Variants in DLGAP1 observed in about 807,000 individuals in gnomAD.
The protein encoded by DLGAP1 is DLG associated protein 1.
DLGAP1 carries 11 observed loss-of-function variants against 90.8 expected under a neutral mutation model. The observed-to-expected ratio is 0.12, with a 90% CI of 0.08 to 0.20. DLGAP1 has a LOEUF of 0.20. Among genes scored for constraint, DLGAP1 ranks in the 10% least tolerant of loss-of-function variants. DLGAP1 has a pLI of 1.00. For synonymous variants in DLGAP1, 558 were observed against 540.7 expected, an observed-to-expected ratio of 1.03 and a Z score of -0.44; for missense variants, 1,050 against 1,333.8, an observed-to-expected ratio of 0.79 and a Z score of 3.31.
chr18:4,198,017 C>T (rs1197520814), intron 1 of DLGAP1, among the ~76,000 whole-genome samples: 1 of 151,928 alleles, frequency 6.6e-6, no homozygotes, highest in African/African-American at 2.4e-5. Context: ...ATCAGGAGAT[C>T]AAGACCATCC....
At chr18:3,839,805 C>T (rs956110750) in intron 4 of DLGAP1, among the ~76,000 whole-genome samples, 1 of 152,216 alleles carries the variant, frequency 6.6e-6, no homozygotes, top group Admixed American at 6.5e-5. Context: ...CACACCTCCT[C>T]TTTTCTAAGA....
chr18:4,443,398 G>C (rs1021563088), intron 1 of DLGAP1, among the ~76,000 whole-genome samples: 28 of 152,316 alleles, frequency 1.8e-4, no homozygotes, highest in African/African-American at 6.5e-4. Flanking sequence ...CCAACCATTG[G>C]CAGAGCCAGG....
At chr18:3,822,768 T>C (rs1437244773) in intron 4 of DLGAP1, among the ~76,000 whole-genome samples, 2 of 152,112 alleles carry the variant, frequency 1.3e-5, no homozygotes, top group Non-Finnish European at 2.9e-5. Context: ...TGGGGACTAG[T>C]AGAAAATGTT....
chr18:3,507,915 T>C (rs2050333760), intron 11 of DLGAP1, among the ~76,000 whole-genome samples: 1 of 152,156 alleles, frequency 6.6e-6, no homozygotes, highest in Admixed American at 6.5e-5. Context: ...TTTTGTATCT[T>C]TAGTAGAGAC....
intron 7 of DLGAP1, among the ~76,000 whole-genome samples, chr18:3,620,795 T>G (rs887317211): frequency 6.6e-5 from 10 of 152,144 alleles, no homozygotes; most frequent in African/African-American, 2.4e-4. Context: ...TGACCTCAGG[T>G]GATCCGCCCA....
At position 3,941,223 on chromosome 18, in the gene DLGAP1, T is replaced by C. The variant is rs146476486; in HGVS notation, c.-72-61083A>G. Among the ~76,000 whole-genome samples the C allele has an allele frequency of 2.2e-3, 341 of 152,344 alleles. 3 individuals are homozygous for C. The highest frequency in any genetic ancestry group is 7.8e-3 in the African/African-American group (326 of 41,582). ...TGGAGGTACAAACACTTACCTTTGA[T>C]TGAATTCAGAATTTGCTGGTGATCT... On this transcript the variant is annotated intron_variant, in intron 3 of 12. Transcript: ENST00000315677.
intron 7 of DLGAP1, among the ~76,000 whole-genome samples, chr18:3,664,205 CA>C (rs1598256927): frequency 7.1e-6 from 1 of 140,230 alleles, no homozygotes; most frequent in East Asian, 2.0e-4. Context: ...CACACACACA[CA>C]CACACACACA....
chr18:4,208,726 AAAAG>A (rs1347632584), intron 1 of DLGAP1, among the ~76,000 whole-genome samples: 1 of 152,094 alleles, frequency 6.6e-6, no homozygotes, highest in Admixed American at 6.5e-5. Context: ...GACAGAGAGA[AAAAG>A]AGAGAGAGAA....
chr18:4,333,990 G>C lies in DLGAP1; in HGVS notation c.-267+121016C>G, dbSNP rs370260657. Among the ~76,000 whole-genome samples, 28 of 151,596 alleles carry C rather than the reference G, an allele frequency of 1.8e-4. No individual in the cohort carries two copies. In the East Asian group the frequency reaches 4.1e-3, roughly 22 times the overall value. Reference sequence around the variant, plus strand: ...GCGGTGGCTCACGCCTGTAATCCCAGCACTTTGGGAGGCTAGGGCAGGTGG... The same window carrying C: ...GCGGTGGCTCACGCCTGTAATCCCACCACTTTGGGAGGCTAGGGCAGGTGG... On this transcript the variant is annotated intron_variant, in intron 1 of 12. Transcript: ENST00000315677.
At chr18:3,700,908 C>T (rs561444474) in intron 7 of DLGAP1, among the ~76,000 whole-genome samples, 3 of 149,592 alleles carry the variant, frequency 2.0e-5, no homozygotes, top group African/African-American at 7.4e-5. Context: ...CACGCCCAGC[C>T]GACTTTGTTG....
chr18:4,409,700 C>T (rs1438241239), intron 1 of DLGAP1, among the ~76,000 whole-genome samples: 1 of 151,944 alleles, frequency 6.6e-6, no homozygotes, highest in Non-Finnish European at 1.5e-5. Flanking sequence ...TGTTTGTTGG[C>T]GATTTGTATA....
intron 3 of DLGAP1, among the ~76,000 whole-genome samples, chr18:3,920,291 C>T (rs947622120): frequency 3.9e-5 from 5 of 127,104 alleles, no homozygotes; most frequent in East Asian, 5.3e-4. Flanking sequence ...TGCAGTGAGC[C>T]GGGGGTTGCA....
At chr18:3,747,084 A>AGT (rs752008868) in intron 5 of DLGAP1, among the ~76,000 whole-genome samples, 16 of 152,198 alleles carry the variant, frequency 1.1e-4, no homozygotes, top group Non-Finnish European at 2.2e-4. Context: ...GGCTGGGTGC[A>AGT]GTGTGGCTCA....
intron 7 of DLGAP1, among the ~76,000 whole-genome samples, chr18:3,644,851 A>G (rs2059063186): frequency 6.6e-6 from 1 of 150,922 alleles, no homozygotes. Context: ...ACATAACTAG[A>G]AAGTTCTCTA....
chr18:4,294,692 G>C (rs1228383595), intron 1 of DLGAP1: 1 of 152,210 alleles, frequency 6.6e-6, no homozygotes, highest in Admixed American at 6.5e-5. Context: ...CTGCCTTTTT[G>C]CAAGGGCAGA....
At chr18:4,337,719 C>T (rs1342247371) in intron 1 of DLGAP1, among the ~76,000 whole-genome samples, 2 of 152,030 alleles carry the variant, frequency 1.3e-5, no homozygotes, top group African/African-American at 2.4e-5. Flanking sequence ...TATATAAAGT[C>T]ATAGTTTTCT....
chr18:4,288,686 GT>G (rs1175404415), intron 1 of DLGAP1, among the ~76,000 whole-genome samples: 1 of 152,022 alleles, frequency 6.6e-6, no homozygotes, highest in Non-Finnish European at 1.5e-5. Context: ...ACACTTGAAT[GT>G]TTTAGGAGTT....
At chr18:3,902,956 T>C (rs1015578605) in intron 3 of DLGAP1, among the ~76,000 whole-genome samples, 3 of 152,080 alleles carry the variant, frequency 2.0e-5, no homozygotes, top group Non-Finnish European at 4.4e-5. Context: ...AGTGATCAGC[T>C]CTCTTAATTC....
chr18:3,818,379 A>G (rs2067214635), intron 4 of DLGAP1, among the ~76,000 whole-genome samples: 6 of 54,356 alleles, frequency 1.1e-4, no homozygotes, highest in Admixed American at 2.8e-4. Flanking sequence ...TTTTTTTTTG[A>G]GACAGGGTCT....
Sources: gnomAD v4.1 joint callset for allele counts (sites outside exome capture counted in the v4.1 genomes callset) on GRCh38, gnomAD v4.1.1 for gene constraint, MANE v1.5 for transcripts, NCBI Gene and HGNC (gene_info 2026-07-23, HGNC 2026-07-21) for gene names.